HKDC1: variants seen among roughly 807,000 people sequenced by gnomAD.
HKDC1 encodes the protein hexokinase domain containing 1.
Under a neutral mutation model 96.6 loss-of-function variants are expected in HKDC1, and 66 were observed. The observed-to-expected ratio is 0.68, with a 90% CI of 0.56 to 0.84. The LOEUF (loss-of-function observed/expected upper bound fraction) is 0.84. Among genes scored for constraint, HKDC1 ranks in the 40% least tolerant of loss-of-function variants. The pLI, the probability that HKDC1 is intolerant of heterozygous loss-of-function variation, is 0.00. For missense variants in HKDC1, 1,211 were observed against 1,208.1 expected, an observed-to-expected ratio of 1.00 and a Z score of -0.04; for synonymous variants, 466 against 473.1, an observed-to-expected ratio of 0.98 and a Z score of 0.20.
Position 69,240,746 on chromosome 10 carries a change from T to C in HKDC1, c.686T>C (p.Ile229Thr), listed in dbSNP as rs146469853. 3 of 1,613,324 alleles carry C rather than the reference T, an allele frequency of 1.9e-6. No homozygotes were observed. In the African/African-American group the frequency reaches 4.0e-5, roughly 22 times the overall value. ...YDDPYCEVGV[I>T]IGTGTNACYM... ...GACCCCTACTGCGAAGTTGGTGTCA[T>C]CATCGGTAACTCAATTGGACTGGTT... Residue 229 changes from isoleucine to threonine, a missense_variant, in exon 6 of 18, where the codon ATC (isoleucine) becomes ACC (threonine). By Grantham distance (89) the Ile-to-Thr change is moderately conservative. Coordinates refer to ENST00000354624, the MANE Select transcript of HKDC1 (RefSeq NM_025130.4).
At chr10:69,224,026 T>C (rs1843110818) in intron 1 of HKDC1, among the ~76,000 whole-genome samples, 1 of 150,742 alleles carries the variant, frequency 6.6e-6, no homozygotes, top group African/African-American at 2.4e-5. Context: ...CTGGATAACA[T>C]AGAGAGATCT....
chr10:69,246,300 C>T (rs1387995876), intron 8 of HKDC1, 66 bp downstream of exon 8: 12 of 1,562,138 alleles, frequency 7.7e-6, no homozygotes, highest in Non-Finnish European at 1.1e-5. Flanking sequence ...GTGGGGTGCT[C>T]CATGTGGTAG....
chr10:69,265,318 T>C, intron 16 of HKDC1: 2 of 439,900 alleles, frequency 4.5e-6, no homozygotes, highest in African/African-American at 2.1e-5. Flanking sequence ...CTGCAGCTCA[T>C]ATGGCTTCTA....
intron 2 of HKDC1, among the ~76,000 whole-genome samples, chr10:69,232,164 T>A (rs1297290902): frequency 6.6e-6 from 1 of 152,188 alleles, no homozygotes; most frequent in Non-Finnish European, 1.5e-5. Flanking sequence ...ATTAATGGCA[T>A]CTGTCTTGGG....
In HKDC1 at chr10:69,250,296, G is replaced by T. The variant is rs746074967; in HGVS notation, c.1577G>T (p.Gly526Val). The change falls in exon 11 of 18, where the codon GGA becomes GTA. Residue 526 changes from glycine to valine, a missense_variant. By Grantham distance (109) the Gly-to-Val change is moderately radical. Coordinates refer to ENST00000354624, the MANE Select transcript of HKDC1 (RefSeq NM_025130.4). ...GCTGCTTTCTCCATCACAGAGAAAG[G>T]AAAGTTTCTCGCCCTGGATCTTGGG... Reference protein sequence around the residue: ...VCGLPDGTEKGKFLALDLGGT... With the variant: ...VCGLPDGTEKVKFLALDLGGT... The T allele has an allele frequency of 2.5e-6, 4 of 1,613,066 alleles. No homozygotes were observed.
chr10:69,262,298 A>C (rs1317265597), intron 16 of HKDC1, among the ~76,000 whole-genome samples: 1 of 152,214 alleles, frequency 6.6e-6, no homozygotes, highest in African/African-American at 2.4e-5. Flanking sequence ...AATTCCTGTT[A>C]TTCTGAGTAA....
chr10:69,229,239 AG>A (rs1564725199), intron 2 of HKDC1, among the ~76,000 whole-genome samples: 1 of 152,206 alleles, frequency 6.6e-6, no homozygotes, highest in Non-Finnish European at 1.5e-5. Flanking sequence ...TGATGGGATC[AG>A]TCGTGTTCTG....
intron 15 of HKDC1, among the ~76,000 whole-genome samples, chr10:69,259,998 G>C (rs1209551044): frequency 2.1e-4 from 32 of 152,298 alleles, no homozygotes; most frequent in Non-Finnish European, 8.8e-5. Context: ...AGAGGAGTTG[G>C]CACACTTATT....
intron 2 of HKDC1, among the ~76,000 whole-genome samples, chr10:69,228,998 AAG>A (rs979750804): frequency 6.6e-6 from 1 of 152,286 alleles, no homozygotes; most frequent in African/African-American, 2.4e-5. Flanking sequence ...GAAAGAAAGA[AAG>A]AGAGAAAGCT....
intron 16 of HKDC1, chr10:69,261,990 T>C (rs967174452): frequency 8.5e-6 from 3 of 351,968 alleles, no homozygotes; most frequent in African/African-American, 2.1e-5. Flanking sequence ...TTAGATTCAG[T>C]AGTGAATTCT....
At chr10:69,241,984 A>G (rs1174079854) in intron 6 of HKDC1, among the ~76,000 whole-genome samples, 1 of 152,186 alleles carries the variant, frequency 6.6e-6, no homozygotes, top group Admixed American at 6.5e-5. Flanking sequence ...GGTCAGCTGG[A>G]GGAATGTGTG....
Position 69,250,437 on chromosome 10 carries a change from T to C in HKDC1, c.1716+2T>C, listed in dbSNP as rs201779241. ...ATCATGCAGGGCACTGGTGAGGAGG[T>C]AAGTGCCAGGCAAGGCCTTTGGGCT... On this transcript the variant is annotated splice_donor_variant, in intron 11 of 17. Transcript: ENST00000354624. LOFTEE classifies it high-confidence loss of function. 2 of 1,612,568 alleles carry C rather than the reference T, an allele frequency of 1.2e-6. No individual in the cohort carries two copies. The highest frequency in any genetic ancestry group is 4.5e-5 in the East Asian group (2 of 44,808).
intron 15 of HKDC1, among the ~76,000 whole-genome samples, chr10:69,259,175 G>A (rs943397691): frequency 6.6e-6 from 1 of 152,206 alleles, no homozygotes; most frequent in Admixed American, 6.5e-5. Flanking sequence ...GCCCCATAAG[G>A]TCTAGTGGTG....
In HKDC1 at chr10:69,255,916, CAAA is replaced by C. The variant is rs33969502; in HGVS notation, c.1837-1108_1837-1106del. On this transcript the variant is annotated intron_variant, in intron 12 of 17. Transcript: ENST00000354624. ...TAGGCAACAGAGTAAGAATCTGTGT[CAAA>C]AAAAAAAAAAACAAAAAAAACCTAC... Among the ~76,000 whole-genome samples, 1,193 of 140,398 alleles carry C rather than the reference CAAA, an allele frequency of 8.5e-3. 17 individuals are homozygous for C. Among genetic ancestry groups the C allele is most frequent in the African/African-American group, 0.029 (1,099 of 38,036 alleles). The allele number at this position is 140,398 out of a possible 152,430, so 92.1% of individuals were successfully genotyped here. A position where few individuals can be genotyped will look rare whatever the true frequency, so the allele number is the denominator to read the frequency against.
Position 69,240,791 on chromosome 10 carries a change from G to A in HKDC1, c.691+40G>A, listed in dbSNP as rs879201533. 3.4e-6 allele frequency: 5 copies of A among 1,456,112 alleles called. No individual in the cohort carries two copies. The South Asian group carries it at 4.6e-5, about 13-fold the overall frequency. 90.2% of individuals were successfully genotyped at this position (1,456,112 alleles called of 1,614,324 possible). On this transcript the variant is annotated intron_variant, in intron 6 of 17. Transcript: ENST00000354624. ...CTGGTTTTTTGAGGGTAGGGGAGAA[G>A]GGACTGTTTGGGAGTTTCATTTCAG...
At chr10:69,232,264 G>C in intron 2 of HKDC1, 1 of 166,550 alleles carries the variant, frequency 6.0e-6, no homozygotes, top group Admixed American at 5.7e-5. Flanking sequence ...CCATTGTTTA[G>C]TCCCTGTCTC....
At chr10:69,264,096 G>A (rs1018918051) in intron 16 of HKDC1, among the ~76,000 whole-genome samples, 2 of 152,062 alleles carry the variant, frequency 1.3e-5, no homozygotes, top group African/African-American at 4.8e-5. Context: ...AAGCGGGTGA[G>A]CCGACATCAT....
chr10:69,249,586 C>T (rs1039775971), intron 10 of HKDC1, among the ~76,000 whole-genome samples: 1 of 152,240 alleles, frequency 6.6e-6, no homozygotes, highest in African/African-American at 2.4e-5. Context: ...AGCTCCGCCT[C>T]CCAGGTTCAC....
At chr10:69,240,256 T>C (rs969225889) in intron 5 of HKDC1, among the ~76,000 whole-genome samples, 8 of 152,124 alleles carry the variant, frequency 5.3e-5, no homozygotes, top group African/African-American at 1.9e-4. Context: ...GGCTGTGGTG[T>C]GCTATGTTTG....
Sources: gnomAD v4.1 joint callset for allele counts (sites outside exome capture counted in the v4.1 genomes callset) on GRCh38, gnomAD v4.1.1 for gene constraint, MANE v1.5 for transcripts, NCBI Gene and HGNC (gene_info 2026-07-23, HGNC 2026-07-21) for gene names.